Variants in OSBPL10 observed in about 807,000 individuals in gnomAD.
OSBPL10 encodes the protein oxysterol binding protein like 10.
OSBPL10 carries 49 observed loss-of-function variants against 81.7 expected under a neutral mutation model. That is an observed-to-expected ratio of 0.60 (90% CI 0.48 to 0.76). OSBPL10 has a LOEUF of 0.76. OSBPL10 is among the 30% of genes least tolerant of loss of function. OSBPL10 has a pLI of 0.00. For synonymous variants in OSBPL10, 419 were observed against 383.6 expected, an observed-to-expected ratio of 1.09 and a Z score of -1.08; for missense variants, 923 against 987.8, an observed-to-expected ratio of 0.93 and a Z score of 0.88.
chr3:31,770,754 C>A (rs1019295470), intron 4 of OSBPL10, among the ~76,000 whole-genome samples: 1 of 152,114 alleles, frequency 6.6e-6, no homozygotes, highest in African/African-American at 2.4e-5. Flanking sequence ...TCATTGCACT[C>A]CAGCCTGGGC....
At position 31,943,403 on chromosome 3, in the gene OSBPL10, C is replaced by G. The variant is rs547733826; in HGVS notation, c.281+37496G>C. Among the ~76,000 whole-genome samples, 134 of 152,114 alleles carry G rather than the reference C, an allele frequency of 8.8e-4. 2 individuals carry two copies. The highest frequency in any genetic ancestry group is 3.1e-3 in the African/African-American group (129 of 41,502). ...TAGAATTGCTAGGTCATATAATACA[C>G]AGTATTTTTTTTAATCAAGTACATT... On this transcript the variant is annotated intron_variant, in intron 1 of 11. Coordinates refer to ENST00000396556, the MANE Select transcript of OSBPL10 (RefSeq NM_017784.5).
chr3:31,878,825 G>GTGTC lies in OSBPL10; in HGVS notation c.457+829_457+830insGACA, dbSNP rs1417685693. Among the ~76,000 whole-genome samples, 3 of 123,112 alleles carry GTGTC rather than the reference G, an allele frequency of 2.4e-5. No homozygotes were observed. In the East Asian group the frequency reaches 7.5e-4, roughly 31 times the overall value. The allele number at this position is 123,112 out of a possible 152,430, so 80.8% of individuals were successfully genotyped here. On this transcript the variant is annotated intron_variant, in intron 2 of 11. Transcript: ENST00000396556. ...AGACTCTGCGTGTCCATGTGTGTGT[G>GTGTC]TGTGTGTGTGTGTGTGTGTGTGTGC...
rs1257740536 is a variant in OSBPL10, at chr3:31,800,847, T to G, written c.729+29193A>C. On this transcript the variant is annotated intron_variant, in intron 4 of 11. Coordinates refer to ENST00000396556, the MANE Select transcript of OSBPL10 (RefSeq NM_017784.5). ...GAAAAATGTCATCAGAATAATGCAG[T>G]TTTTCATGCCTTTTGGCTTGCTCTA... 3.9e-5 allele frequency among the ~76,000 whole-genome samples: 6 copies of G among 152,218 alleles called. No individual in the cohort carries two copies. The East Asian group carries it at 9.6e-4, about 24-fold the overall frequency.
chr3:31,712,516 T>C (rs931419020), intron 6 of OSBPL10, among the ~76,000 whole-genome samples: 4 of 152,170 alleles, frequency 2.6e-5, no homozygotes, highest in South Asian at 2.1e-4. Flanking sequence ...AAGAGGAATA[T>C]AGATGCAACG....
chr3:31,726,299 G>A (rs60566288), intron 6 of OSBPL10, among the ~76,000 whole-genome samples: 3,489 of 150,768 alleles, frequency 0.023, 152 homozygotes, highest in African/African-American at 0.082. Flanking sequence ...CAAACAAAAA[G>A]TGTCTTTTTA....
chr3:31,814,892 C>A (rs1699797199), intron 4 of OSBPL10, among the ~76,000 whole-genome samples: 1 of 152,192 alleles, frequency 6.6e-6, no homozygotes, highest in Non-Finnish European at 1.5e-5. Flanking sequence ...GCCAAGAATT[C>A]TTTGCTCTCT....
At chr3:31,761,016 T>C (rs553953463) in intron 4 of OSBPL10, among the ~76,000 whole-genome samples, 3 of 152,080 alleles carry the variant, frequency 2.0e-5, no homozygotes, top group East Asian at 3.9e-4. Flanking sequence ...CTAAAAAAAA[T>C]TGTAACAATT....
In OSBPL10 at chr3:31,663,649, T is replaced by C. The variant is rs149772562; in HGVS notation, c.2250+430A>G. ...AGGAGGCAAAGCTCTGAAAGGCAAT[T>C]CTTCATCAGTGAGGGCTCCAGCCCA... is the stretch of plus-strand genomic sequence containing the variant. On this transcript the variant is annotated intron_variant, in intron 11 of 11. Transcript: ENST00000396556. The C allele has an allele frequency of 8.9e-3, 9,351 of 1,049,390 alleles. 40 individuals are homozygous for C. The highest frequency in any genetic ancestry group is 9.4e-3 in the Non-Finnish European group (8,202 of 868,948). 65.0% of individuals were successfully genotyped at this position (1,049,390 alleles called of 1,614,324 possible). A position where few individuals can be genotyped will look rare whatever the true frequency, so the allele number is the denominator to read the frequency against.
chr3:31,700,502 G>A (rs1695859245), intron 7 of OSBPL10: 1 of 151,966 alleles, frequency 6.6e-6, no homozygotes, highest in East Asian at 1.9e-4. Context: ...AATCCACAAT[G>A]AGAATATATC....
At chr3:31,675,082 C>T (rs147770302) in intron 8 of OSBPL10, among the ~76,000 whole-genome samples, 199 of 152,244 alleles carry the variant, frequency 1.3e-3, no homozygotes, top group Non-Finnish European at 2.1e-3. Context: ...TCCTTCCAGG[C>T]GAGCAATATG....
chr3:31,796,881 C>T (rs924843669), intron 4 of OSBPL10, among the ~76,000 whole-genome samples: 1 of 152,090 alleles, frequency 6.6e-6, no homozygotes, highest in Non-Finnish European at 1.5e-5. Flanking sequence ...CACCTTTCCT[C>T]CCCTCTCCTC....
At chr3:32,072,275 C>G (rs890399092) in intron 1 of OSBPL10, among the ~76,000 whole-genome samples, 5 of 152,202 alleles carry the variant, frequency 3.3e-5, no homozygotes, top group Non-Finnish European at 7.3e-5. Flanking sequence ...GAGTCATACA[C>G]TGCAAGGGCC....
At chr3:31,692,107 A>G (rs950632181) in intron 7 of OSBPL10, among the ~76,000 whole-genome samples, 2 of 152,178 alleles carry the variant, frequency 1.3e-5, no homozygotes, top group African/African-American at 4.8e-5. Context: ...TATTTACTAT[A>G]TAGAAAGATA....
intron 6 of OSBPL10, among the ~76,000 whole-genome samples, chr3:31,706,579 G>A (rs1391295904): frequency 6.6e-6 from 1 of 152,042 alleles, no homozygotes; most frequent in Non-Finnish European, 1.5e-5. Flanking sequence ...CTATGCCACC[G>A]AGGCCAAAGC....
chr3:31,844,406 A>C (rs564514143), intron 3 of OSBPL10, among the ~76,000 whole-genome samples: 1 of 152,362 alleles, frequency 6.6e-6, no homozygotes, highest in South Asian at 2.1e-4. Context: ...GAAATAACTC[A>C]AATTTTCATC....
intron 4 of OSBPL10, chr3:31,797,930 A>C (rs1438355446): frequency 2.6e-6 from 1 of 378,398 alleles, no homozygotes; most frequent in Non-Finnish European, 5.4e-6. Context: ...CTACATTTAC[A>C]GTCCCTGTTG....
chr3:32,005,581 G>GT (rs1267934880), intron 2 of OSBPL10, among the ~76,000 whole-genome samples: 8 of 151,874 alleles, frequency 5.3e-5, no homozygotes, highest in South Asian at 4.2e-4. Context: ...AATGTTTTGG[G>GT]TTTTTTTTGT....
intron 2 of OSBPL10, among the ~76,000 whole-genome samples, chr3:32,042,812 A>G (rs1295970273): frequency 6.6e-6 from 1 of 152,184 alleles, no homozygotes; most frequent in African/African-American, 2.4e-5. Context: ...AAAGGAGAAC[A>G]AAGATCACAT....
intron 1 of OSBPL10, among the ~76,000 whole-genome samples, chr3:31,961,471 CTA>C (rs1292738154): frequency 6.6e-6 from 1 of 152,090 alleles, no homozygotes; most frequent in African/African-American, 2.4e-5. Flanking sequence ...CATGGGAACT[CTA>C]TATTTCCAAT....
Sources: allele counts gnomAD v4.1 joint callset (sites outside exome capture counted in the v4.1 genomes callset), GRCh38; gene constraint gnomAD v4.1.1; transcripts MANE v1.5; gene names NCBI Gene and HGNC (gene_info 2026-07-23, HGNC 2026-07-21).